CCDC178: variants seen among roughly 807,000 people sequenced by gnomAD.
CCDC178 encodes the protein coiled-coil domain containing 178.
Under a neutral mutation model 117.4 loss-of-function variants are expected in CCDC178, and 126 were observed. The ratio of observed to expected loss-of-function variants is 1.07; its 90% confidence interval spans 0.93 to 1.24. The LOEUF is 1.24. CCDC178 is among the 50% of genes most tolerant of loss of function. The pLI is 0.00. For missense variants in CCDC178, 1,030 were observed against 986.9 expected (o/e 1.04, Z -0.59); for synonymous variants, 283 against 313.4 (o/e 0.90, Z 1.02).
At chr18:33,393,789 T>G (rs150569429) in intron 4 of CCDC178, among the ~76,000 whole-genome samples, 1 of 152,102 alleles carries the variant, frequency 6.6e-6, no homozygotes, top group Non-Finnish European at 1.5e-5. Flanking sequence ...TAAAGTTATA[T>G]GAATGGTCTG....
At chr18:33,119,674 C>T (rs2057908783) in intron 20 of CCDC178, among the ~76,000 whole-genome samples, 3 of 152,282 alleles carry the variant, frequency 2.0e-5, no homozygotes, top group South Asian at 4.1e-4. Flanking sequence ...ACCCAGCCAT[C>T]CCATTACTGG....
chr18:33,104,185 T>C (rs1438274548), intron 20 of CCDC178, among the ~76,000 whole-genome samples: 2 of 151,732 alleles, frequency 1.3e-5, no homozygotes, highest in Non-Finnish European at 3.0e-5. Context: ...AATGGATATC[T>C]AGATCTTCCA....
chr18:33,222,085 T>G (rs888424692), intron 18 of CCDC178, among the ~76,000 whole-genome samples: 1 of 152,164 alleles, frequency 6.6e-6, no homozygotes, highest in East Asian at 1.9e-4. Flanking sequence ...TGATATTTTA[T>G]AGTTTCAGAG....
intron 5 of CCDC178, among the ~76,000 whole-genome samples, chr18:33,384,544 T>C (rs896033064): frequency 2.6e-5 from 4 of 152,024 alleles, no homozygotes; most frequent in African/African-American, 4.8e-5. Flanking sequence ...CCAGAAGAGA[T>C]TGGGGGCCAA....
intron 21 of CCDC178, among the ~76,000 whole-genome samples, chr18:33,040,294 C>T (rs2056524099): frequency 6.6e-6 from 1 of 151,670 alleles, no homozygotes; most frequent in African/African-American, 2.4e-5. Context: ...TAAGGGTATA[C>T]AGGACAAAAG....
chr18:33,333,971 G>T (rs1023100218), intron 9 of CCDC178, among the ~76,000 whole-genome samples: 1 of 151,960 alleles, frequency 6.6e-6, no homozygotes, highest in African/African-American at 2.4e-5. Flanking sequence ...ATTCTATAAA[G>T]TACTCTATGT....
chr18:32,985,050 A>T (rs1039397049), intron 21 of CCDC178, among the ~76,000 whole-genome samples: 1 of 151,988 alleles, frequency 6.6e-6, no homozygotes, highest in Non-Finnish European at 1.5e-5. Flanking sequence ...AATCAAGAAA[A>T]TGCTTTAAAA....
chr18:33,136,278 A>G (rs1421866237), intron 20 of CCDC178, among the ~76,000 whole-genome samples: 1 of 152,132 alleles, frequency 6.6e-6, no homozygotes, highest in Non-Finnish European at 1.5e-5. Flanking sequence ...ACCTTGAAAA[A>G]CTACTACAAG....
intron 21 of CCDC178, among the ~76,000 whole-genome samples, chr18:33,041,991 G>A (rs1025563948): frequency 1.3e-5 from 2 of 151,816 alleles, no homozygotes; most frequent in Non-Finnish European, 2.9e-5. Flanking sequence ...AAAGAAGAAT[G>A]CCAGCTTATA....
At chr18:33,000,616 T>C (rs774528196) in intron 21 of CCDC178, among the ~76,000 whole-genome samples, 64 of 152,280 alleles carry the variant, frequency 4.2e-4, no homozygotes, top group Non-Finnish European at 5.6e-4. Context: ...ACAATGGAGC[T>C]CCAATATGTT....
intron 3 of CCDC178, among the ~76,000 whole-genome samples, chr18:33,409,999 C>A (rs951130963): frequency 2.0e-5 from 3 of 152,138 alleles, no homozygotes; most frequent in African/African-American, 7.2e-5. Context: ...TCCATTAAAT[C>A]ATGTGATATG....
chr18:33,308,035 C>T (rs2062282044), intron 11 of CCDC178, among the ~76,000 whole-genome samples: 1 of 152,222 alleles, frequency 6.6e-6, no homozygotes. Context: ...CACAGGGTTG[C>T]CACTGGGGCA....
chr18:33,314,962 G>GC (rs1277483690), intron 11 of CCDC178, among the ~76,000 whole-genome samples: 1 of 152,166 alleles, frequency 6.6e-6, no homozygotes, highest in Non-Finnish European at 1.5e-5. Flanking sequence ...TGGAGAATGA[G>GC]CCCTAGGGCA....
chr18:33,429,368 GAGAC>G (rs774299653), intron 2 of CCDC178, among the ~76,000 whole-genome samples: 7 of 151,916 alleles, frequency 4.6e-5, no homozygotes, highest in South Asian at 2.1e-4. Flanking sequence ...GGGGGAGAGA[GAGAC>G]AGACAGAGAG....
At chr18:33,402,567 T>C (rs1426927072) in intron 3 of CCDC178, among the ~76,000 whole-genome samples, 2 of 152,230 alleles carry the variant, frequency 1.3e-5, no homozygotes, top group Non-Finnish European at 2.9e-5. Context: ...CAGGAAAAAG[T>C]CAGGCTAATA....
intron 2 of CCDC178, among the ~76,000 whole-genome samples, chr18:33,426,986 TG>T (rs2064133337): frequency 6.6e-6 from 1 of 152,152 alleles, no homozygotes; most frequent in South Asian, 2.1e-4. Context: ...ACTTAATATT[TG>T]CTCTTAATGT....
intron 14 of CCDC178, among the ~76,000 whole-genome samples, chr18:33,257,159 T>C (rs2144733199): frequency 6.6e-6 from 1 of 152,184 alleles, no homozygotes; most frequent in South Asian, 2.1e-4. Flanking sequence ...CAGTGACTAT[T>C]TGAGCTGAGC....
intron 11 of CCDC178, among the ~76,000 whole-genome samples, chr18:33,316,914 AC>A (rs1404008681): frequency 2.0e-5 from 3 of 152,084 alleles, no homozygotes; most frequent in Non-Finnish European, 2.9e-5. Flanking sequence ...TCTAGTGGGG[AC>A]ATGGAGAACT....
In CCDC178 at chr18:33,333,179, T is replaced by G. The variant is rs1184208997; in HGVS notation, c.874A>C (p.Met292Leu). Residue 292 changes from methionine (M) to leucine (L), a missense_variant, in exon 10 of 23, where the codon ATG becomes CTG. Physicochemically the swap from Met to Leu is conservative, Grantham distance 15 (BLOSUM62 2). Coordinates refer to ENST00000383096, the MANE Select transcript of CCDC178 (RefSeq NM_001105528.4). Reference protein sequence around the residue: ...QDLKNHYKKKMEVMDLHRKVN... With the variant: ...QDLKNHYKKKLEVMDLHRKVN... ...TCATGCATTCGTTTATTTACCTCCA[T>G]TTTTTTTTTATAATGGTTCTTCAGA... is the stretch of plus-strand genomic sequence containing the variant. 1 of 1,303,184 alleles carries G rather than the reference T, an allele frequency of 7.7e-7. No homozygotes were observed. The highest frequency in any genetic ancestry group is 2.2e-5 in the Admixed American group (1 of 46,496). The allele number at this position is 1,303,184 out of a possible 1,614,324, so 80.7% of individuals were successfully genotyped here.
Sources: allele counts gnomAD v4.1 joint callset (sites outside exome capture counted in the v4.1 genomes callset), GRCh38; gene constraint gnomAD v4.1.1; transcripts MANE v1.5; gene names NCBI Gene and HGNC (gene_info 2026-07-23, HGNC 2026-07-21).